The following ZFHX4 variants were observed in gnomAD, a reference collection of about 807,000 sequenced individuals.
ZFHX4 encodes the protein zinc finger homeobox protein 4.
Under a neutral mutation model 267.6 loss-of-function variants are expected in ZFHX4, and 56 were observed. That is an observed-to-expected ratio of 0.21 (90% CI 0.17 to 0.26). The LOEUF (loss-of-function observed/expected upper bound fraction) is 0.26, where lower values mean the gene tolerates loss of function less well. Among genes scored for constraint, ZFHX4 ranks in the 10% least tolerant of loss-of-function variants. The pLI is 1.00. For synonymous variants in ZFHX4, 1,778 were observed against 1,665.6 expected (o/e 1.07, Z -1.64); for missense variants, 4,332 against 4,420.0 (o/e 0.98, Z 0.56).
chr8:76,828,474 G>A (rs988677088), intron 4 of ZFHX4, among the ~76,000 whole-genome samples: 3 of 152,204 alleles, frequency 2.0e-5, no homozygotes, highest in African/African-American at 7.2e-5. Context: ...CATAAACACA[G>A]TGATTTTTTG....
intron 4 of ZFHX4, among the ~76,000 whole-genome samples, chr8:76,786,754 A>G (rs16939362): frequency 0.087 from 13,250 of 152,206 alleles, 1,006 homozygotes; most frequent in African/African-American, 0.19. Context: ...TGTTCCCATA[A>G]GTAGAACTTC....
intron 3 of ZFHX4, among the ~76,000 whole-genome samples, chr8:76,748,219 C>T (rs1177141577): frequency 1.3e-5 from 2 of 152,128 alleles, no homozygotes; most frequent in Non-Finnish European, 2.9e-5. Flanking sequence ...CTGTGTGTCT[C>T]ATATCTGTAA....
chr8:76,708,169 G>A, intron 3 of ZFHX4, 121 bp downstream of exon 3: 1 of 1,223,186 alleles, frequency 8.2e-7, no homozygotes, highest in South Asian at 1.3e-5. Flanking sequence ...AAAGGGCAGG[G>A]GGCACAGTTT....
chr8:76,725,490 C>T (rs137906996), intron 3 of ZFHX4, among the ~76,000 whole-genome samples: 72 of 152,064 alleles, frequency 4.7e-4, no homozygotes, highest in Non-Finnish European at 6.3e-4. Context: ...GAGACATAAA[C>T]GAATCAAGAA....
chr8:76,745,278 A>G (rs1809429679), intron 3 of ZFHX4, among the ~76,000 whole-genome samples: 1 of 152,184 alleles, frequency 6.6e-6, no homozygotes, highest in Non-Finnish European at 1.5e-5. Context: ...GAAAATGGAC[A>G]TTAGTTGGAA....
At chr8:76,715,286 T>A (rs1808534952) in intron 3 of ZFHX4, among the ~76,000 whole-genome samples, 1 of 150,834 alleles carries the variant, frequency 6.6e-6, no homozygotes, top group South Asian at 2.1e-4. Context: ...AGGTCAGGAG[T>A]TCGAGACCAG....
At position 76,855,618 on chromosome 8, in the gene ZFHX4, C is replaced by T. The variant is rs1484307374; in HGVS notation, c.8697C>T (p.Ser2899=). ...TDDPDDNADR[S]ETSSIADPSS... ...ACCCGGATGACAACGCCGACCGCAG[C>T]GAAACGTCCAGCATAGCGGACCCGA... is the stretch of plus-strand genomic sequence containing the variant. The change falls in exon 10 of 11, where the codon AGC becomes AGT. Residue 2899 remains serine, a synonymous_variant. Transcript: ENST00000651372. 3.1e-6 allele frequency: 5 copies of T among 1,613,744 alleles called. No individual in the cohort carries two copies. Among genetic ancestry groups the T allele is most frequent in the South Asian group, 2.2e-5 (2 of 91,048 alleles).
chr8:76,856,197 C>G lies in ZFHX4; in HGVS notation c.9276C>G (p.Ile3092Met), dbSNP rs1490516041. ...GMMDSSSLHGISLPTAYPGLP... is the reference protein window; with the variant it reads ...GMMDSSSLHGMSLPTAYPGLP... The stretch of plus-strand genomic sequence containing the variant: ...TGGACAGCAGTTCTCTCCACGGCAT[C>G]AGCCTGCCAACAGCCTACCCCGGAC... Residue 3092 changes from isoleucine to methionine, a missense_variant, in exon 10 of 11, where the codon ATC becomes ATG. Transcript: ENST00000651372. The G allele has an allele frequency of 3.7e-6, 6 of 1,613,864 alleles. No individual in the cohort carries two copies. The highest frequency in any genetic ancestry group is 5.1e-6 in the Non-Finnish European group (6 of 1,179,876).
Position 76,852,742 on chromosome 8 carries a change from G to A in ZFHX4, c.5821G>A (p.Glu1941Lys), listed in dbSNP as rs544904221. Residue 1941 changes from glutamate to lysine, a missense_variant, in exon 10 of 11, where the codon GAA becomes AAA. Around this residue, in one of 7 missense-constraint regions of ZFHX4, gnomAD observed 1,371 missense variants for 1,423.1 expected, o/e 0.96. Coordinates refer to ENST00000651372, the MANE Select transcript of ZFHX4 (RefSeq NM_024721.5). ...GAAGAAGGGCAAAAGTGGTGAAGGC[G>A]AAAACACTGACAAACTAGAATGTGG... ...VQKKGKSGEG[E>K]NTDKLECGTC... The A allele has an allele frequency of 3.2e-5, 51 of 1,613,712 alleles. No homozygotes were observed. Among genetic ancestry groups the A allele is most frequent in the Admixed American group, 1.3e-4 (8 of 60,008 alleles).
At chr8:76,788,913 A>G (rs1288914799) in intron 4 of ZFHX4, among the ~76,000 whole-genome samples, 3 of 152,250 alleles carry the variant, frequency 2.0e-5, no homozygotes, top group Non-Finnish European at 4.4e-5. Context: ...ATTTTAGCAT[A>G]CTGTCAACAT....
At chr8:76,709,804 T>TGC (rs1432550684) in intron 3 of ZFHX4, among the ~76,000 whole-genome samples, 20 of 108,078 alleles carry the variant, frequency 1.9e-4, no homozygotes, top group South Asian at 1.1e-3. Context: ...TGTGTGTGCG[T>TGC]GTGTGTGTGT....
intron 4 of ZFHX4, among the ~76,000 whole-genome samples, chr8:76,828,537 G>C (rs1295297981): frequency 6.6e-6 from 1 of 152,194 alleles, no homozygotes; most frequent in Admixed American, 6.5e-5. Context: ...TACATGCCTA[G>C]CACCTAACAA....
At chr8:76,841,763 A>G (rs879838592) in intron 5 of ZFHX4, among the ~76,000 whole-genome samples, 3 of 152,194 alleles carry the variant, frequency 2.0e-5, no homozygotes, top group South Asian at 2.1e-4. Context: ...ACAGCATGCC[A>G]TGCTGTGGGG....
Position 76,854,533 on chromosome 8 carries a change from A to G in ZFHX4, c.7612A>G (p.Met2538Val), listed in dbSNP as rs759011719. 20 of 1,613,732 alleles carry G rather than the reference A, an allele frequency of 1.2e-5. No individual in the cohort carries two copies. The Admixed American group carries it at 2.7e-4, about 22-fold the overall frequency. The change falls in exon 10 of 11, where the codon ATG (methionine) becomes GTG (valine). Residue 2538 changes from methionine (M) to valine (V), a missense_variant. By Grantham distance (21) the Met-to-Val change is conservative. This residue lies in a region of ZFHX4 where 1,648 missense variants were observed against 1,625.0 expected (regional missense o/e 1.01). Coordinates refer to ENST00000651372, the MANE Select transcript of ZFHX4 (RefSeq NM_024721.5). ...FLERPMDMPYMIFDPNNPLMT... is the reference protein window; with the variant it reads ...FLERPMDMPYVIFDPNNPLMT... ...GGAAAGGCCCATGGACATGCCCTACATGATATTTGACCCCAACAATCCGCT... is the reference window on the plus strand; with the variant it reads ...GGAAAGGCCCATGGACATGCCCTACGTGATATTTGACCCCAACAATCCGCT...
intron 3 of ZFHX4, chr8:76,733,182 G>A (rs1938379045): frequency 1.3e-5 from 2 of 152,170 alleles, no homozygotes; most frequent in African/African-American, 4.8e-5. Flanking sequence ...TAAAATGAAA[G>A]TGAAACAATG....
intron 4 of ZFHX4, among the ~76,000 whole-genome samples, chr8:76,816,980 T>C (rs1040688927): frequency 1.3e-5 from 2 of 152,158 alleles, no homozygotes; most frequent in African/African-American, 4.8e-5. Context: ...CTGTTACACA[T>C]TTCCAGTGAG....
At chr8:76,743,027 T>C (rs1809361637) in intron 3 of ZFHX4, among the ~76,000 whole-genome samples, 1 of 152,214 alleles carries the variant, frequency 6.6e-6, no homozygotes, top group Non-Finnish European at 1.5e-5. Flanking sequence ...GAATTATTCT[T>C]TTCAAACATT....
chr8:76,694,343 C>T (rs1290144340), intron 1 of ZFHX4, among the ~76,000 whole-genome samples: 2 of 152,110 alleles, frequency 1.3e-5, no homozygotes, highest in African/African-American at 4.8e-5. Flanking sequence ...TTTTGATAAT[C>T]CCTTCCCCGA....
chr8:76,751,251 C>G (rs1809607364), intron 3 of ZFHX4, among the ~76,000 whole-genome samples: 1 of 152,110 alleles, frequency 6.6e-6, no homozygotes, highest in South Asian at 2.1e-4. Context: ...CTAATGTCTA[C>G]ATTAATATTT....
Sources: gnomAD v4.1 joint callset for allele counts (sites outside exome capture counted in the v4.1 genomes callset) on GRCh38, gnomAD v4.1.1 for gene constraint, gnomAD v4.1.1 regional missense constraint, MANE v1.5 for transcripts, NCBI Gene and HGNC (gene_info 2026-07-23, HGNC 2026-07-21) for gene names.